The following DENND1B variants were observed in gnomAD, a reference collection of about 807,000 sequenced individuals.
DENND1B encodes DENN domain containing 1B, also known as DENN domain-containing protein 1B.
Under a neutral mutation model 90.1 loss-of-function variants are expected in DENND1B, and 59 were observed. The observed-to-expected ratio is 0.65, with a 90% CI of 0.53 to 0.81. The LOEUF (loss-of-function observed/expected upper bound fraction) is 0.81, where lower values mean the gene tolerates loss of function less well. Ranked by LOEUF, DENND1B falls within the 40% of genes least tolerant of loss-of-function variation. The probability of loss-of-function intolerance (pLI) is 0.00; values close to 1 mark genes in which losing one functional copy is unlikely to be tolerated. For synonymous variants in DENND1B, 337 were observed against 324.6 expected (o/e 1.04, Z -0.41); for missense variants, 862 against 912.6 (o/e 0.94, Z 0.71).
intron 15 of DENND1B, among the ~76,000 whole-genome samples, chr1:197,576,590 G>A (rs10922257): frequency 0.16 from 23,879 of 152,156 alleles, 2,152 homozygotes; most frequent in Non-Finnish European, 0.2. Flanking sequence ...ACACTGCTAT[G>A]TTGTGATATA....
chr1:197,568,812 T>C (rs1174811458), intron 15 of DENND1B, among the ~76,000 whole-genome samples: 1 of 151,994 alleles, frequency 6.6e-6, no homozygotes, highest in Non-Finnish European at 1.5e-5. Context: ...TAAAAATCAA[T>C]TCAAAATGGA....
intron 14 of DENND1B, among the ~76,000 whole-genome samples, chr1:197,585,518 G>A (rs1674621931): frequency 6.6e-6 from 1 of 152,194 alleles, no homozygotes; most frequent in African/African-American, 2.4e-5. Flanking sequence ...TAAGCTAGAA[G>A]AATTCTGTCC....
At chr1:197,776,477 T>C (rs758463023), upstream of DENND1B, among the ~76,000 whole-genome samples, 5 of 152,192 alleles carry the variant, frequency 3.3e-5, no homozygotes, top group Non-Finnish European at 5.9e-5. Flanking sequence ...AGAGATCTTC[T>C]GGGAAAGGCC....
At position 197,505,611 on chromosome 1, in the gene DENND1B, C is replaced by A. The variant is rs1667693991; in HGVS notation, c.*4849G>T. On this transcript the variant is annotated 3_prime_UTR_variant, in exon 23 of 23. Transcript: ENST00000620048. The stretch of plus-strand genomic sequence containing the variant: ...TTTTGGTATGTCTGCATGTTGCATC[C>A]AGAGCTACAGATTTTCCACAGTGCT... 6.6e-6 allele frequency: 1 copy of A among 151,282 alleles called. No homozygotes were observed. The highest frequency in any genetic ancestry group is 2.4e-5 in the African/African-American group (1 of 41,280). 9.4% of individuals were successfully genotyped at this position (151,282 alleles called of 1,614,324 possible).
At chr1:197,577,037 A>G (rs1673743378) in intron 15 of DENND1B, among the ~76,000 whole-genome samples, 1 of 152,238 alleles carries the variant, frequency 6.6e-6, no homozygotes, top group South Asian at 2.1e-4. Flanking sequence ...ACTAAATTCA[A>G]TCAGACTGCA....
At chr1:197,714,558 T>A (rs897668656) in intron 3 of DENND1B, among the ~76,000 whole-genome samples, 1 of 152,130 alleles carries the variant, frequency 6.6e-6, no homozygotes, top group Admixed American at 6.5e-5. Context: ...AAGAACTATT[T>A]TAAAATAAAA....
chr1:197,617,014 A>G (rs1558310347), intron 11 of DENND1B, among the ~76,000 whole-genome samples: 2 of 151,004 alleles, frequency 1.3e-5, no homozygotes, highest in African/African-American at 4.8e-5. Flanking sequence ...TGAAGAGAAC[A>G]AGGAGGGTCT....
intron 14 of DENND1B, among the ~76,000 whole-genome samples, chr1:197,590,630 C>T (rs533816402): frequency 1.3e-5 from 2 of 152,108 alleles, no homozygotes; most frequent in African/African-American, 4.8e-5. Context: ...CCAGCTTAGA[C>T]GTTTTAAGTA....
intron 20 of DENND1B, among the ~76,000 whole-genome samples, chr1:197,530,723 C>A (rs891516902): frequency 3.9e-5 from 6 of 152,090 alleles, no homozygotes; most frequent in African/African-American, 1.4e-4. Context: ...TAACCATAAA[C>A]AAACAGCTAC....
At chr1:197,692,282 C>T (rs956615612) in intron 3 of DENND1B, among the ~76,000 whole-genome samples, 3 of 151,804 alleles carry the variant, frequency 2.0e-5, no homozygotes, top group African/African-American at 7.2e-5. Context: ...ATTCAAAGCA[C>T]CTAAATCTAA....
intron 20 of DENND1B, among the ~76,000 whole-genome samples, chr1:197,522,273 G>A (rs1668832219): frequency 6.6e-6 from 1 of 152,090 alleles, no homozygotes; most frequent in Non-Finnish European, 1.5e-5. Context: ...CGTATTTGGT[G>A]AAGTCTGATG....
intron 6 of DENND1B, among the ~76,000 whole-genome samples, chr1:197,652,611 T>G (rs1284457011): frequency 6.6e-6 from 1 of 152,078 alleles, no homozygotes; most frequent in African/African-American, 2.4e-5. Flanking sequence ...GTAAATTATC[T>G]AAATCATTAA....
At chr1:197,636,140 T>A (rs1679770913) in intron 10 of DENND1B, among the ~76,000 whole-genome samples, 1 of 151,942 alleles carries the variant, frequency 6.6e-6, no homozygotes, top group Non-Finnish European at 1.5e-5. Flanking sequence ...AACCAATAGA[T>A]TTTTTTTATT....
intron 2 of DENND1B, among the ~76,000 whole-genome samples, chr1:197,729,950 G>A (rs773759690): frequency 4.5e-4 from 68 of 152,002 alleles, no homozygotes; most frequent in Non-Finnish European, 7.9e-4. Context: ...TGTGAGAAAT[G>A]GGAACGAAAA....
At chr1:197,763,731 A>G (rs1265007954) in intron 2 of DENND1B, among the ~76,000 whole-genome samples, 1 of 152,180 alleles carries the variant, frequency 6.6e-6, no homozygotes. Flanking sequence ...TTATCTCACA[A>G]CTACCCGCAA....
At chr1:197,600,528 T>C (rs1292232698) in intron 13 of DENND1B, among the ~76,000 whole-genome samples, 1 of 151,752 alleles carries the variant, frequency 6.6e-6, no homozygotes, top group Non-Finnish European at 1.5e-5. Flanking sequence ...TTGGATGCTA[T>C]GTATTGAGGA....
intron 20 of DENND1B, among the ~76,000 whole-genome samples, chr1:197,513,709 C>T (rs1668196230): frequency 1.3e-5 from 2 of 151,276 alleles, no homozygotes; most frequent in South Asian, 4.2e-4. Flanking sequence ...TATTCATATT[C>T]CTCTATTTCT....
At chr1:197,739,350 T>G (rs774870133) in intron 2 of DENND1B, among the ~76,000 whole-genome samples, 4 of 152,192 alleles carry the variant, frequency 2.6e-5, no homozygotes, top group Non-Finnish European at 4.4e-5. Context: ...AAACCTTAAG[T>G]GCATATGGGA....
chr1:197,609,809 T>G (rs1677021449), intron 12 of DENND1B, among the ~76,000 whole-genome samples: 1 of 150,642 alleles, frequency 6.6e-6, no homozygotes, highest in Non-Finnish European at 1.5e-5. Flanking sequence ...GAAAATATTT[T>G]AATTATTCCT....
Sources: allele counts gnomAD v4.1 joint callset (sites outside exome capture counted in the v4.1 genomes callset), GRCh38; gene constraint gnomAD v4.1.1; transcripts MANE v1.5; gene names NCBI Gene and HGNC (gene_info 2026-07-23, HGNC 2026-07-21).